Variants in THSD4 observed in about 807,000 individuals in gnomAD.
The protein encoded by THSD4 is thrombospondin type-1 domain-containing protein 4.
THSD4 carries 69 observed loss-of-function variants against 119.0 expected under a neutral mutation model. The ratio of observed to expected loss-of-function variants is 0.58; its 90% CI spans 0.48 to 0.71. The LOEUF (loss-of-function observed/expected upper bound fraction) is 0.71, where lower values mean the gene tolerates loss of function less well. Ranked by LOEUF, THSD4 falls within the 30% of genes least tolerant of loss-of-function variation. The pLI is 0.00. For synonymous variants in THSD4, 524 were observed against 540.4 expected (o/e 0.97, Z 0.42); for missense variants, 1,393 against 1,391.1 (o/e 1.00, Z -0.02).
intron 1 of THSD4, among the ~76,000 whole-genome samples, chr15:71,107,695 G>A (rs1384028999): frequency 5.9e-5 from 9 of 152,290 alleles, no homozygotes; most frequent in Middle Eastern, 6.8e-3. Context: ...CCGTGACAAC[G>A]GAAGAATGGC....
intron 7 of THSD4, among the ~76,000 whole-genome samples, chr15:71,591,276 C>G (rs954681147): frequency 6.6e-6 from 1 of 152,160 alleles, no homozygotes; most frequent in African/African-American, 2.4e-5. Flanking sequence ...TTCGGAATTG[C>G]AATTGGCTGT....
chr15:71,403,292 GC>G (rs1334253938), intron 6 of THSD4, among the ~76,000 whole-genome samples: 2 of 152,096 alleles, frequency 1.3e-5, no homozygotes, highest in Non-Finnish European at 2.9e-5. Context: ...TTCTGAAAAT[GC>G]TTTATTTTCT....
At chr15:71,279,004 A>G (rs1418284497) in intron 6 of THSD4, among the ~76,000 whole-genome samples, 1 of 152,210 alleles carries the variant, frequency 6.6e-6, no homozygotes, top group Non-Finnish European at 1.5e-5. Context: ...CTGATTTTAA[A>G]CGGAGCAGCC....
At chr15:71,623,035 T>C (rs1240440547) in intron 7 of THSD4, among the ~76,000 whole-genome samples, 1 of 152,046 alleles carries the variant, frequency 6.6e-6, no homozygotes, top group Non-Finnish European at 1.5e-5. Flanking sequence ...TGCCAGTTGA[T>C]GGAGGTCTCG....
intron 7 of THSD4, among the ~76,000 whole-genome samples, chr15:71,635,311 C>T (rs991611805): frequency 6.6e-5 from 10 of 152,070 alleles, no homozygotes; most frequent in Non-Finnish European, 4.4e-5. Context: ...CAAAAAGACC[C>T]TTTCACAGAA....
intron 7 of THSD4, among the ~76,000 whole-genome samples, chr15:71,554,821 A>C (rs1051372956): frequency 1.3e-5 from 2 of 151,348 alleles, no homozygotes; most frequent in Non-Finnish European, 2.9e-5. Flanking sequence ...TTAACCATTT[A>C]TTTTATTTCT....
At chr15:71,456,041 T>C (rs992731156) in intron 7 of THSD4, among the ~76,000 whole-genome samples, 13 of 152,322 alleles carry the variant, frequency 8.5e-5, no homozygotes, top group African/African-American at 2.9e-4. Flanking sequence ...AGTCAGGCTT[T>C]GACTACCTTA....
At chr15:71,493,708 G>C (rs1456317118) in intron 7 of THSD4, among the ~76,000 whole-genome samples, 1 of 152,206 alleles carries the variant, frequency 6.6e-6, no homozygotes. Flanking sequence ...CTTTAGGACA[G>C]CTCTGTCATC....
chr15:71,475,085 A>G (rs576832779), intron 7 of THSD4, among the ~76,000 whole-genome samples: 1 of 152,232 alleles, frequency 6.6e-6, no homozygotes, highest in South Asian at 2.1e-4. Context: ...TCTGATGCAA[A>G]CTCAAGTTTG....
At chr15:71,607,605 G>C (rs2050133407) in intron 7 of THSD4, among the ~76,000 whole-genome samples, 2 of 152,214 alleles carry the variant, frequency 1.3e-5, no homozygotes, top group African/African-American at 4.8e-5. Context: ...CACCGGTGTG[G>C]CAGAGCCTTA....
At chr15:71,545,432 A>G (rs2048822728) in intron 7 of THSD4, among the ~76,000 whole-genome samples, 2 of 152,172 alleles carry the variant, frequency 1.3e-5, no homozygotes, top group Non-Finnish European at 2.9e-5. Flanking sequence ...AGCTACACCC[A>G]TTCATGTGTG....
intron 7 of THSD4, among the ~76,000 whole-genome samples, chr15:71,478,579 G>A (rs2047683106): frequency 6.6e-6 from 1 of 152,230 alleles, no homozygotes; most frequent in Admixed American, 6.5e-5. Flanking sequence ...GTGCAGCATT[G>A]TGAAGAGAGA....
intron 15 of THSD4, among the ~76,000 whole-genome samples, chr15:71,758,845 A>C (rs1312054089): frequency 1.3e-5 from 2 of 152,238 alleles, no homozygotes; most frequent in Non-Finnish European, 2.9e-5. Context: ...AAAAAAATGC[A>C]CTGCCTTATC....
At chr15:71,259,904 G>T (rs2044369741) in intron 6 of THSD4, among the ~76,000 whole-genome samples, 1 of 152,176 alleles carries the variant, frequency 6.6e-6, no homozygotes, top group South Asian at 2.1e-4. Flanking sequence ...TGTCTGAGCT[G>T]CACCCTTGCT....
At chr15:71,561,167 A>G (rs62022792) in intron 7 of THSD4, among the ~76,000 whole-genome samples, 53,454 of 151,166 alleles carry the variant, frequency 0.35, 10,578 homozygotes, top group South Asian at 0.48. Context: ...GTAGAGACGG[A>G]GTTTCACCGT....
chr15:71,471,266 A>G (rs916813797), intron 7 of THSD4, among the ~76,000 whole-genome samples: 1 of 152,086 alleles, frequency 6.6e-6, no homozygotes, highest in Non-Finnish European at 1.5e-5. Context: ...GTTCAGAATT[A>G]ATCACTAGGG....
intron 7 of THSD4, among the ~76,000 whole-genome samples, chr15:71,523,401 C>T (rs2048471216): frequency 6.6e-6 from 1 of 152,226 alleles, no homozygotes; most frequent in Non-Finnish European, 1.5e-5. Context: ...CATAAGGACA[C>T]ATGCCATTGG....
intron 3 of THSD4, among the ~76,000 whole-genome samples, chr15:71,189,241 C>A (rs2043645632): frequency 6.6e-6 from 1 of 152,176 alleles, no homozygotes; most frequent in Non-Finnish European, 1.5e-5. Flanking sequence ...GTAATTACAT[C>A]AAGCAGGTCT....
intron 4 of THSD4, among the ~76,000 whole-genome samples, chr15:71,222,941 A>T (rs865859454): frequency 1.3e-5 from 2 of 152,190 alleles, no homozygotes; most frequent in African/African-American, 4.8e-5. Context: ...CTGGCTGTGT[A>T]TCCTGCCGAT....
Sources: gnomAD v4.1 joint callset for allele counts (sites outside exome capture counted in the v4.1 genomes callset) on GRCh38, gnomAD v4.1.1 for gene constraint, MANE v1.5 for transcripts, NCBI Gene and HGNC (gene_info 2026-07-23, HGNC 2026-07-21) for gene names.